The following SNX29 variants were observed in gnomAD, a reference collection of about 807,000 sequenced individuals.
SNX29 encodes the protein sorting nexin 29, also known as sorting nexin-29.
SNX29 carries 78 observed loss-of-function variants against 102.1 expected under a neutral mutation model. That is an observed-to-expected ratio of 0.76 (90% CI 0.64 to 0.92). The LOEUF (loss-of-function observed/expected upper bound fraction) is 0.92, where lower values mean the gene tolerates loss of function less well. Among genes scored for constraint, SNX29 ranks in the 40% least tolerant of loss-of-function variants. The probability of loss-of-function intolerance (pLI) is 0.00; values close to 1 mark genes in which losing one functional copy is unlikely to be tolerated. For missense variants in SNX29, 1,280 were observed against 1,061.7 expected (o/e 1.21, Z -2.86); for synonymous variants, 580 against 414.5 (o/e 1.40, Z -4.85).
intron 20 of SNX29, among the ~76,000 whole-genome samples, chr16:12,539,811 G>A (rs918579985): frequency 2.0e-5 from 3 of 152,174 alleles, no homozygotes; most frequent in Admixed American, 6.5e-5. Flanking sequence ...TCATGTGGAT[G>A]TTTTCCTTTA....
At chr16:12,538,639 C>G (rs1054730708) in intron 20 of SNX29, among the ~76,000 whole-genome samples, 2 of 152,126 alleles carry the variant, frequency 1.3e-5, no homozygotes, top group African/African-American at 2.4e-5. Context: ...AATGGAAAAA[C>G]TGGGCTGTGA....
intron 20 of SNX29, chr16:12,527,034 G>C (rs571579587): frequency 1.4e-5 from 6 of 416,126 alleles, no homozygotes; most frequent in African/African-American, 1.2e-4. Context: ...AAATGACACA[G>C]TGTTGACACT....
intron 20 of SNX29, among the ~76,000 whole-genome samples, chr16:12,561,531 C>G (rs564401566): frequency 1.3e-5 from 2 of 152,108 alleles, no homozygotes; most frequent in African/African-American, 2.4e-5. Context: ...AAGTTAGTCT[C>G]TCCTCGCAGC....
chr16:12,214,918 A>G (rs992146364), intron 14 of SNX29, among the ~76,000 whole-genome samples: 1 of 152,208 alleles, frequency 6.6e-6, no homozygotes, highest in African/African-American at 2.4e-5. Flanking sequence ...GATTCAAGAA[A>G]CATTAGCCAG....
At chr16:12,347,067 A>T (rs28561752) in intron 15 of SNX29, among the ~76,000 whole-genome samples, 8,525 of 152,156 alleles carry the variant, frequency 0.056, 379 homozygotes, top group African/African-American at 0.12. Flanking sequence ...TCCCATCCTG[A>T]TGTGTGTAAG....
intron 3 of SNX29, among the ~76,000 whole-genome samples, chr16:12,012,751 A>AT (rs1302507753): frequency 6.6e-6 from 1 of 151,864 alleles, no homozygotes; most frequent in Non-Finnish European, 1.5e-5. Context: ...CATTTTCACC[A>AT]TTTTTGCCAT....
chr16:12,280,403 C>T (rs1305795042), intron 15 of SNX29, among the ~76,000 whole-genome samples: 1 of 152,174 alleles, frequency 6.6e-6, no homozygotes, highest in African/African-American at 2.4e-5. Context: ...ACTGCAGGGT[C>T]CACCTGCCTG....
intron 14 of SNX29, among the ~76,000 whole-genome samples, chr16:12,236,413 T>C (rs367638396): frequency 4.6e-5 from 7 of 152,338 alleles, no homozygotes; most frequent in African/African-American, 1.2e-4. Context: ...TCTTGTACTT[T>C]ATACCACAGC....
At chr16:12,560,149 A>C (rs2078639719) in intron 20 of SNX29, among the ~76,000 whole-genome samples, 1 of 23,490 alleles carries the variant, frequency 4.3e-5, no homozygotes, top group South Asian at 7.7e-4. Flanking sequence ...CCCCCCAACA[A>C]ACAGTAAAGC....
intron 1 of SNX29, among the ~76,000 whole-genome samples, chr16:11,993,211 T>G (rs1388383862): frequency 6.6e-6 from 1 of 151,174 alleles, no homozygotes; most frequent in Admixed American, 6.6e-5. Context: ...CTGTGTGGCC[T>G]TGATTAAGGG....
At chr16:12,487,232 C>T (rs186781973) in intron 19 of SNX29, among the ~76,000 whole-genome samples, 4 of 152,270 alleles carry the variant, frequency 2.6e-5, no homozygotes, top group Admixed American at 1.3e-4. Flanking sequence ...GTGGGGCGAG[C>T]AGACACACAC....
At position 12,573,605 on chromosome 16, in the gene SNX29, C is replaced by T; in HGVS notation, c.*4976C>T. 3 of 221,868 alleles carry T rather than the reference C, an allele frequency of 1.4e-5. No individual in the cohort carries two copies. The highest frequency in any genetic ancestry group is 2.7e-5 in the Non-Finnish European group (3 of 110,720). 13.7% of individuals were successfully genotyped at this position (221,868 alleles called of 1,614,324 possible). ...TCCCCCACTTCCCCTCAAATTTTCTCAGCTCTGCCGCTGGTCTCCATGAAC... is the reference window on the plus strand; with the variant it reads ...TCCCCCACTTCCCCTCAAATTTTCTTAGCTCTGCCGCTGGTCTCCATGAAC... On this transcript the variant is annotated 3_prime_UTR_variant, in exon 21 of 21. Coordinates refer to ENST00000566228, the MANE Select transcript of SNX29 (RefSeq NM_032167.5).
At chr16:12,473,495 C>G (rs142267609) in intron 18 of SNX29, among the ~76,000 whole-genome samples, 3 of 152,160 alleles carry the variant, frequency 2.0e-5, no homozygotes, top group Admixed American at 6.5e-5. Flanking sequence ...TTCCTGGTGC[C>G]TTCAGGATTC....
intron 14 of SNX29, among the ~76,000 whole-genome samples, chr16:12,240,264 C>G (rs1046078835): frequency 6.6e-6 from 1 of 152,198 alleles, no homozygotes; most frequent in Non-Finnish European, 1.5e-5. Flanking sequence ...CTTTAAGATT[C>G]TTGGCAAAGA....
intron 15 of SNX29, among the ~76,000 whole-genome samples, chr16:12,344,126 C>T (rs2081701096): frequency 6.6e-6 from 1 of 152,204 alleles, no homozygotes; most frequent in African/African-American, 2.4e-5. Context: ...TGCCTTTCGC[C>T]TTCTGCCAGA....
intron 4 of SNX29, among the ~76,000 whole-genome samples, chr16:12,036,362 T>C (rs1423526926): frequency 7.3e-6 from 1 of 137,662 alleles, no homozygotes; most frequent in African/African-American, 2.8e-5. Context: ...TGAGACAGAG[T>C]CTTGCTCTGT....
rs78974023 is a variant in SNX29, at chr16:12,524,276, G to A, written c.2179-426G>A. ...GGCAAAATTAAGCCGGTGCTCTGGA[G>A]TGGCATTTGGTGTGATTGATAATTA... On this transcript the variant is annotated intron_variant, in intron 19 of 20. Transcript: ENST00000566228. Among the ~76,000 whole-genome samples the A allele has an allele frequency of 5.5e-3, 838 of 152,220 alleles. 10 individuals carry two copies. The highest frequency in any genetic ancestry group is 0.019 in the African/African-American group (785 of 41,506).
chr16:12,541,721 A>C (rs1210478045), intron 20 of SNX29, among the ~76,000 whole-genome samples: 4 of 151,232 alleles, frequency 2.6e-5, no homozygotes, highest in Non-Finnish European at 1.5e-5. Flanking sequence ...GATTCCTGTC[A>C]CCTCCTGTCT....
chr16:12,195,320 C>G (rs187291818), intron 13 of SNX29, among the ~76,000 whole-genome samples: 1 of 152,210 alleles, frequency 6.6e-6, no homozygotes, highest in Non-Finnish European at 1.5e-5. Flanking sequence ...CAGCTTCTTT[C>G]TTTTATATTC....
Sources: gnomAD v4.1 joint callset for allele counts (sites outside exome capture counted in the v4.1 genomes callset) on GRCh38, gnomAD v4.1.1 for gene constraint, MANE v1.5 for transcripts, NCBI Gene and HGNC (gene_info 2026-07-23, HGNC 2026-07-21) for gene names.